Variants in FRMPD1 observed in about 807,000 individuals in gnomAD.
FRMPD1 encodes the protein FERM and PDZ domain containing 1, also known as FERM and PDZ domain-containing protein 1.
A neutral mutation model predicts 117.8 loss-of-function variants in FRMPD1; 76 were observed. The ratio of observed to expected loss-of-function variants is 0.65; its 90% CI spans 0.54 to 0.78. The LOEUF is 0.78. Among genes scored for constraint, FRMPD1 ranks in the 30% least tolerant of loss-of-function variants. FRMPD1 has a pLI of 0.00. For missense variants in FRMPD1, 1,786 were observed against 1,964.5 expected (o/e 0.91, Z 1.72); for synonymous variants, 783 against 770.4 (o/e 1.02, Z -0.27).
intron 6 of FRMPD1, among the ~76,000 whole-genome samples, chr9:37,720,397 G>C (rs945967544): frequency 6.6e-6 from 1 of 152,236 alleles, no homozygotes; most frequent in Non-Finnish European, 1.5e-5. Flanking sequence ...GGGGGCGGTG[G>C]CTCACGCCTG....
At position 37,744,999 on chromosome 9, in the gene FRMPD1, C is replaced by G; in HGVS notation, c.2967C>G (p.Ile989Met). The change falls in exon 16 of 16, where the codon ATC (isoleucine) becomes ATG (methionine). Residue 989 changes from isoleucine (I) to methionine (M), a missense_variant. Physicochemically the swap from Ile to Met is conservative, Grantham distance 10 (BLOSUM62 1). Coordinates refer to ENST00000377765, the MANE Select transcript of FRMPD1 (RefSeq NM_014907.3). ...PDTAQARPSQ[I>M]LPLSQDLDGI... ...CTGCTCAGGCAAGGCCTTCCCAAAT[C>G]TTACCTCTATCTCAAGACCTGGATG... 1 of 1,614,220 alleles carries G rather than the reference C, an allele frequency of 6.2e-7. No individual in the cohort carries two copies. Among genetic ancestry groups the G allele is most frequent in the Non-Finnish European group, 8.5e-7 (1 of 1,180,032 alleles).
chr9:37,737,101 G>A lies in FRMPD1; in HGVS notation c.1407G>A (p.Leu469=). The change falls in exon 14 of 16, where the codon CTG becomes CTA. Residue 469 remains leucine, a synonymous_variant. Transcript: ENST00000377765. Reference sequence around the variant, plus strand: ...ATTTCTATTTGCTTTCAAAGGTTCTGACTTTGCTGCTGGAATCCAACAGTG... The same window carrying A: ...ATTTCTATTTGCTTTCAAAGGTTCTAACTTTGCTGCTGGAATCCAACAGTG... ...VKVYLQDVKV[L]TLLLESNSAK... is the part of the protein sequence containing the mutation. 1.9e-6 allele frequency: 3 copies of A among 1,612,204 alleles called. No individual in the cohort carries two copies. Among genetic ancestry groups the A allele is most frequent in the Non-Finnish European group, 2.5e-6 (3 of 1,178,412 alleles).
At chr9:37,607,383 G>A in the FRMPD1 span, among the ~76,000 whole-genome samples, 1 of 152,086 alleles carries the variant, frequency 6.6e-6, no homozygotes, top group African/African-American at 2.4e-5. Context: ...AAGTTTAATT[G>A]AGCAATGACC....
chr9:37,683,790 A>G (rs1174879960), intron 1 of FRMPD1, among the ~76,000 whole-genome samples: 58 of 142,740 alleles, frequency 4.1e-4, no homozygotes, highest in African/African-American at 7.8e-4. Context: ...GGGCCAGATC[A>G]CAAAAGGCTT....
Position 37,744,627 on chromosome 9 carries a change from C to T in FRMPD1, c.2595C>T (p.Asp865=), listed in dbSNP as rs368670105. ...CAGCCTCCCTGGAGAGTGTAGACGA[C>T]GTGTGCTACTATGACAGGGAGCCCT... ...VPSASLESVD[D]VCYYDREPYL... Residue 865 remains aspartate, a synonymous_variant, in exon 16 of 16, where the codon GAC becomes GAT. Transcript: ENST00000377765. 44 of 1,613,866 alleles carry T rather than the reference C, an allele frequency of 2.7e-5. No individual in the cohort carries two copies. Among genetic ancestry groups the T allele is most frequent in the African/African-American group, 1.1e-4 (8 of 75,038 alleles).
At chr9:37,741,866 T>A (rs1588974601) in intron 15 of FRMPD1, among the ~76,000 whole-genome samples, 1 of 152,216 alleles carries the variant, frequency 6.6e-6, no homozygotes, top group Non-Finnish European at 1.5e-5. Flanking sequence ...ATGGTGCCCA[T>A]CCGTCTATCA....
At chr9:37,657,569 A>G (rs1261074471) in intron 1 of FRMPD1, among the ~76,000 whole-genome samples, 2 of 152,206 alleles carry the variant, frequency 1.3e-5, no homozygotes, top group South Asian at 2.1e-4. Flanking sequence ...GTGGAGATAC[A>G]TACTTGGCCT....
intron 1 of FRMPD1, among the ~76,000 whole-genome samples, chr9:37,676,906 A>G (rs1821549276): frequency 6.6e-6 from 1 of 152,066 alleles, no homozygotes. Flanking sequence ...TGTCTTCTCT[A>G]TAACACGATG....
the FRMPD1 span, among the ~76,000 whole-genome samples, chr9:37,623,162 T>C: frequency 6.6e-6 from 1 of 152,242 alleles, no homozygotes; most frequent in Non-Finnish European, 1.5e-5. Context: ...GAGGGGATGC[T>C]ACATTCATTG....
chr9:37,613,059 C>T, the FRMPD1 span, among the ~76,000 whole-genome samples: 57 of 152,290 alleles, frequency 3.7e-4, 1 homozygote, highest in Middle Eastern at 3.4e-3. Context: ...GTCATGAAAA[C>T]GTTCAAGCAA....
At chr9:37,675,738 C>G (rs1044655488) in intron 1 of FRMPD1, among the ~76,000 whole-genome samples, 3 of 152,188 alleles carry the variant, frequency 2.0e-5, no homozygotes, top group African/African-American at 7.2e-5. Flanking sequence ...GAATTATGAA[C>G]TTGGAGGTGG....
the FRMPD1 span, among the ~76,000 whole-genome samples, chr9:37,636,092 G>A: frequency 6.6e-5 from 10 of 152,308 alleles, no homozygotes; most frequent in East Asian, 1.9e-3. Flanking sequence ...AGCCGCCCTC[G>A]ATATACTCAG....
At chr9:37,730,616 T>C (rs1196869139) in intron 8 of FRMPD1, among the ~76,000 whole-genome samples, 5 of 152,204 alleles carry the variant, frequency 3.3e-5, no homozygotes, top group Non-Finnish European at 7.3e-5. Flanking sequence ...AAGTAAGTTG[T>C]AGAATGGTAT....
intron 2 of FRMPD1, among the ~76,000 whole-genome samples, chr9:37,696,825 C>T (rs973708676): frequency 3.3e-5 from 5 of 152,124 alleles, no homozygotes; most frequent in Admixed American, 1.3e-4. Context: ...AAAACTCAGT[C>T]GTTTCAGCCA....
At chr9:37,736,191 T>C (rs1056760165) in intron 13 of FRMPD1, among the ~76,000 whole-genome samples, 14 of 151,862 alleles carry the variant, frequency 9.2e-5, no homozygotes, top group South Asian at 4.2e-4. Flanking sequence ...TTCGTAGAGA[T>C]GGGGTTTCAC....
At chr9:37,634,998 C>T in the FRMPD1 span, among the ~76,000 whole-genome samples, 603 of 152,146 alleles carry the variant, frequency 4.0e-3, 5 homozygotes, top group African/African-American at 0.013. Context: ...CTCCACTTGA[C>T]CAATTGTTTG....
Position 37,746,372 on chromosome 9 carries a change from C to A in FRMPD1, c.4340C>A (p.Pro1447His), listed in dbSNP as rs1824719253. ...TCCTGGGGGGTTGGAAACAAACATCCCCCAGAGAAGTGCACCTGGCACTTT... is the reference window on the plus strand; with the variant it reads ...TCCTGGGGGGTTGGAAACAAACATCACCCAGAGAAGTGCACCTGGCACTTT... ...ETSWGVGNKH[P>H]PEKCTWHFTE... is the part of the protein sequence containing the mutation. Residue 1447 changes from proline (P) to histidine (H), a missense_variant, in exon 16 of 16, where the codon CCC (proline) becomes CAC (histidine). Physicochemically the swap from Pro to His is moderately conservative, Grantham distance 77 (BLOSUM62 -2). Coordinates refer to ENST00000377765, the MANE Select transcript of FRMPD1 (RefSeq NM_014907.3). The A allele has an allele frequency of 6.8e-6, 11 of 1,612,716 alleles. No individual in the cohort carries two copies. Among genetic ancestry groups the A allele is most frequent in the Non-Finnish European group, 9.3e-6 (11 of 1,179,756 alleles).
chr9:37,631,218 A>T, the FRMPD1 span, among the ~76,000 whole-genome samples: 2 of 152,222 alleles, frequency 1.3e-5, no homozygotes, highest in South Asian at 4.1e-4. Context: ...AAGAAAATTA[A>T]AAACAAAATA....
intron 14 of FRMPD1, 107 bp downstream of exon 14, chr9:37,737,350 C>A: frequency 1.1e-6 from 1 of 900,362 alleles, no homozygotes; most frequent in Non-Finnish European, 1.7e-6. Flanking sequence ...GAGGCTTCAG[C>A]TCAAGTGGAT....
Sources: allele counts gnomAD v4.1 joint callset (sites outside exome capture counted in the v4.1 genomes callset), GRCh38; gene constraint gnomAD v4.1.1; transcripts MANE v1.5; gene names NCBI Gene and HGNC (gene_info 2026-07-23, HGNC 2026-07-21).